Variants in DNAJB4 observed in about 807,000 individuals in gnomAD.
DNAJB4 encodes the protein dnaJ homolog subfamily B member 4.
In DNAJB4, 10 loss-of-function variants were observed where a neutral mutation model predicts 26.6. That is an observed-to-expected ratio of 0.38 (90% CI 0.23 to 0.64). The LOEUF is 0.64. Among genes scored for constraint, DNAJB4 ranks in the 30% least tolerant of loss-of-function variants. The pLI, the probability that DNAJB4 is intolerant of heterozygous loss-of-function variation, is 0.58. For synonymous variants in DNAJB4, 136 were observed against 134.8 expected (o/e 1.01, Z -0.06); for missense variants, 328 against 408.2 (o/e 0.80, Z 1.69).
intron 2 of DNAJB4, among the ~76,000 whole-genome samples, chr1:78,015,555 T>A: frequency 6.8e-6 from 1 of 146,570 alleles, no homozygotes; most frequent in East Asian, 2.0e-4. Context: ...TTCTTCTTTT[T>A]TTTTTTTTTT....
chr1:77,979,894 T>C (rs1351002018), upstream of DNAJB4, among the ~76,000 whole-genome samples: 1 of 152,040 alleles, frequency 6.6e-6, no homozygotes, highest in Non-Finnish European at 1.5e-5. Flanking sequence ...TTTTGTTTGT[T>C]TGTTTGTTTT....
At chr1:78,003,091 C>T (rs1660232115), upstream of DNAJB4, among the ~76,000 whole-genome samples, 1 of 151,940 alleles carries the variant, frequency 6.6e-6, no homozygotes, top group Non-Finnish European at 1.5e-5. Context: ...AGTAAAGTCA[C>T]CGTTCCTTTG....
rs971448096 is a variant in DNAJB4, at chr1:78,013,189, G to A, written c.350G>A (p.Gly117Asp). 103 of 1,614,058 alleles carry A rather than the reference G, an allele frequency of 6.4e-5. No individual in the cohort carries two copies. The highest frequency in any genetic ancestry group is 8.1e-5 in the Non-Finnish European group (95 of 1,180,040). ...PFEIFFGRRM[G>D]GGRDSEEMEI... ...GAAATTTTCTTTGGAAGACGAATGG[G>A]TGGTGGTAGAGATTCTGAAGAAATG... Residue 117 changes from glycine (G) to aspartate (D), a missense_variant, in exon 2 of 3, where the codon GGT (glycine) becomes GAT (aspartate). Coordinates refer to ENST00000370763, the MANE Select transcript of DNAJB4 (RefSeq NM_007034.5).
intron 1 of DNAJB4, among the ~76,000 whole-genome samples, chr1:77,998,494 T>G (rs1660116033): frequency 6.6e-6 from 1 of 152,180 alleles, no homozygotes; most frequent in Non-Finnish European, 1.5e-5. Flanking sequence ...ACACTTGCCT[T>G]AAGTTTATGT....
intron 1 of DNAJB4, among the ~76,000 whole-genome samples, chr1:77,985,440 A>G (rs1261843010): frequency 6.6e-6 from 1 of 152,172 alleles, no homozygotes; most frequent in Non-Finnish European, 1.5e-5. Context: ...AAAAGGAATT[A>G]ATTTTTTTAT....
Position 77,984,105 on chromosome 1 carries a change from T to G in DNAJB4, c.-32+3783T>G, listed in dbSNP as rs1659736078. Among the ~76,000 whole-genome samples, 4 of 152,190 alleles carry G rather than the reference T, an allele frequency of 2.6e-5. No individual in the cohort carries two copies. In the South Asian group the frequency reaches 8.3e-4, roughly 32 times the overall value. On this transcript the variant is annotated intron_variant, in intron 1 of 2. Transcript: ENST00000426517. The stretch of plus-strand genomic sequence containing the variant: ...ATTCAATGTAAACTGTCTTAACCAA[T>G]CAGAAACTGCCAATTAACCTTTAAC...
At position 78,013,238 on chromosome 1, in the gene DNAJB4, T is replaced by C; in HGVS notation, c.399T>C (p.Ser133=). The change falls in exon 2 of 3, where the codon AGT becomes AGC. Residue 133 remains serine, a synonymous_variant. Transcript: ENST00000370763. ...TGGAAATAGATGGTGATCCTTTTAG[T>C]GCCTTTGGTTTCAGCATGAATGGAT... ...EEMEIDGDPF[S]AFGFSMNGYP... 1 of 1,614,218 alleles carries C rather than the reference T, an allele frequency of 6.2e-7. No individual in the cohort carries two copies. Among genetic ancestry groups the C allele is most frequent in the South Asian group, 1.1e-5 (1 of 91,082 alleles).
rs907722369 is a variant in DNAJB4 at position 77,985,945 on chromosome 1, A to G, written c.-32+5623A>G. ...ATGGATCACTTTGCAGAGACTCCCT[A>G]TTGTTTTCAGACAATTATTTGTATC... On this transcript the variant is annotated intron_variant, in intron 1 of 2. Coordinates refer to the DNAJB4 transcript ENST00000426517. Among the ~76,000 whole-genome samples the G allele has an allele frequency of 3.5e-4, 53 of 152,250 alleles. 1 individual carries two copies. The highest frequency in any genetic ancestry group is 1.2e-3 in the African/African-American group (49 of 41,558).
upstream of DNAJB4, among the ~76,000 whole-genome samples, chr1:78,003,919 T>C (rs187550320): frequency 6.6e-6 from 1 of 152,228 alleles, no homozygotes; most frequent in Non-Finnish European, 1.5e-5. Flanking sequence ...AATGATATTA[T>C]AGGGAGATTT....
Position 78,005,328 on chromosome 1 carries a change from A to G in DNAJB4, c.211+7A>G. On this transcript the variant is annotated splice_region_variant and intron_variant, in intron 1 of 2. Coordinates refer to ENST00000370763, the MANE Select transcript of DNAJB4 (RefSeq NM_007034.5). ...GATCAGTTTGGGGAGGAAGGTAAGT[A>G]TTCTCTGTATATCTTTCTGTCTCTT... 1.2e-6 allele frequency: 2 copies of G among 1,604,080 alleles called. No homozygotes were observed. The highest frequency in any genetic ancestry group is 1.7e-6 in the Non-Finnish European group (2 of 1,175,010).
chr1:77,998,594 C>T (rs1318144415), intron 1 of DNAJB4, among the ~76,000 whole-genome samples: 2 of 152,160 alleles, frequency 1.3e-5, no homozygotes, highest in Non-Finnish European at 2.9e-5. Flanking sequence ...AATCTCAGCA[C>T]TTTGGGAGAC....
chr1:77,983,263 G>GT (rs1169107983), intron 1 of DNAJB4, among the ~76,000 whole-genome samples: 6 of 152,232 alleles, frequency 3.9e-5, no homozygotes, highest in Non-Finnish European at 8.8e-5. Context: ...CCCTAAGGCG[G>GT]TTTTTCCCTA....
At chr1:78,007,016 C>T (rs1170361747) in intron 1 of DNAJB4, among the ~76,000 whole-genome samples, 1 of 152,172 alleles carries the variant, frequency 6.6e-6, no homozygotes, top group Non-Finnish European at 1.5e-5. Flanking sequence ...ATTTTCAAGT[C>T]ACCAAATGAT....
At chr1:78,004,693 C>G (rs1021600826), upstream of DNAJB4, 9 of 168,774 alleles carry the variant, frequency 5.3e-5, no homozygotes, top group Non-Finnish European at 1.3e-5. Context: ...GAAATATTGG[C>G]ATGTTAACCC....
In DNAJB4 at chr1:78,013,189, G is replaced by T. The variant is rs971448096; in HGVS notation, c.350G>T (p.Gly117Val). 6.2e-7 allele frequency: 1 copy of T among 1,614,176 alleles called. No individual in the cohort carries two copies. The highest frequency in any genetic ancestry group is 2.2e-5 in the East Asian group (1 of 44,878). ...GAAATTTTCTTTGGAAGACGAATGG[G>T]TGGTGGTAGAGATTCTGAAGAAATG... ...PFEIFFGRRM[G>V]GGRDSEEMEI... The change falls in exon 2 of 3, where the codon GGT (glycine) becomes GTT (valine). Residue 117 changes from glycine to valine, a missense_variant. Gly to Val is a moderately radical substitution (Grantham distance 109, BLOSUM62 -3). Transcript: ENST00000370763.
chr1:77,990,189 G>A (rs550441893), intron 1 of DNAJB4, among the ~76,000 whole-genome samples: 4 of 152,292 alleles, frequency 2.6e-5, no homozygotes, highest in Non-Finnish European at 5.9e-5. Flanking sequence ...GTCTGCCGTA[G>A]CATTCTCACC....
chr1:78,015,707 G>A (rs994171648), intron 2 of DNAJB4, among the ~76,000 whole-genome samples: 6 of 151,490 alleles, frequency 4.0e-5, no homozygotes, highest in Non-Finnish European at 4.4e-5. Context: ...GTGCCACCAC[G>A]CTCGCCTAAT....
intron 1 of DNAJB4, among the ~76,000 whole-genome samples, chr1:77,986,135 A>G (rs1484232982): frequency 6.6e-6 from 1 of 152,104 alleles, no homozygotes; most frequent in Non-Finnish European, 1.5e-5. Context: ...TGTCATCCCA[A>G]TTGTCAGCCT....
chr1:78,004,937 G>T, upstream of DNAJB4: 1 of 656,830 alleles, frequency 1.5e-6, no homozygotes, highest in Admixed American at 2.8e-5. Context: ...AGCCGTTGGG[G>T]AAGGATTGAA....
Sources: gnomAD v4.1 joint callset for allele counts (sites outside exome capture counted in the v4.1 genomes callset) on GRCh38, gnomAD v4.1.1 for gene constraint, MANE v1.5 for transcripts, NCBI Gene and HGNC (gene_info 2026-07-23, HGNC 2026-07-21) for gene names.